SEC14L5: variants seen among roughly 807,000 people sequenced by gnomAD.
SEC14L5 encodes the protein SEC14-like protein 5.
A neutral mutation model predicts 84.6 loss-of-function variants in SEC14L5; 96 were observed. That is an observed-to-expected ratio of 1.13 (90% confidence interval 0.96 to 1.34). The LOEUF is 1.34. SEC14L5 is among the 40% of genes most tolerant of loss of function. The pLI, the probability that SEC14L5 is intolerant of heterozygous loss-of-function variation, is 0.00. For synonymous variants in SEC14L5, 546 were observed against 383.4 expected (o/e 1.42, Z -4.95); for missense variants, 1,224 against 942.5 (o/e 1.30, Z -3.91).
Position 5,000,719 on chromosome 16 carries a change from G to T in SEC14L5, c.1035G>T (p.Val345=), listed in dbSNP as rs111249494. The T allele has an allele frequency of 0.013, 19,663 of 1,552,520 alleles. 182 individuals carry two copies. Among genetic ancestry groups the T allele is most frequent in the South Asian group, 0.029 (2,417 of 84,110 alleles). The change falls in exon 9 of 16, where the codon GTG becomes GTT. Residue 345 remains valine, a synonymous_variant. Coordinates refer to ENST00000251170, the MANE Select transcript of SEC14L5 (RefSeq NM_014692.2). ...QMDTKGLMKA[V]GEEALLRHVL... ...ACACCAAAGGCTTGATGAAGGCCGTGGGGGAGGAGGCGCTGCTGCGGCATG... is the reference window on the plus strand; with the variant it reads ...ACACCAAAGGCTTGATGAAGGCCGTTGGGGAGGAGGCGCTGCTGCGGCATG...
intron 8 of SEC14L5, 57 bp downstream of exon 8, chr16:4,997,101 CTTTA>C (rs775311898): frequency 1.2e-4 from 148 of 1,281,828 alleles, no homozygotes; most frequent in South Asian, 3.9e-4. Context: ...GCCAAATGCA[CTTTA>C]TTTATTATTT....
At chr16:4,965,269 G>T (rs1469268993) in intron 2 of SEC14L5, among the ~76,000 whole-genome samples, 2 of 152,138 alleles carry the variant, frequency 1.3e-5, no homozygotes, top group East Asian at 3.9e-4. Flanking sequence ...TTAGTTGATG[G>T]ATATTTAAGT....
Position 5,003,463 on chromosome 16 carries a change from G to A in SEC14L5, c.1192G>A (p.Val398Met). ...CATGCGGCACCTGTGGCGGCCGGGG[G>A]TGAAGGCCCTGCTGCGGATGATTGA... ...LNMRHLWRPG[V>M]KALLRMIEVV... The change falls in exon 11 of 16, where the codon GTG (valine) becomes ATG (methionine). Residue 398 changes from valine (V) to methionine (M), a missense_variant. Physicochemically the swap from Val to Met is conservative, Grantham distance 21. Coordinates refer to ENST00000251170, the MANE Select transcript of SEC14L5 (RefSeq NM_014692.2). 4 of 1,613,300 alleles carry A rather than the reference G, an allele frequency of 2.5e-6. No homozygotes were observed. The highest frequency in any genetic ancestry group is 1.1e-5 in the South Asian group (1 of 91,082).
chr16:4,981,255 G>GTTTTTTTTTTTTTTT (rs58882220), intron 2 of SEC14L5, among the ~76,000 whole-genome samples: 1 of 92,902 alleles, frequency 1.1e-5, no homozygotes, highest in Non-Finnish European at 2.1e-5. Flanking sequence ...TAGCTAATTG[G>GTTTTTTTTTTTTTTT]TTTTTTTTTT....
intron 2 of SEC14L5, among the ~76,000 whole-genome samples, chr16:4,974,183 A>C (rs543749103): frequency 1.8e-4 from 28 of 152,248 alleles, no homozygotes; most frequent in African/African-American, 6.5e-4. Flanking sequence ...TTTTAAGTTC[A>C]TGAATGTACT....
At chr16:4,987,051 A>G (rs765549012) in intron 2 of SEC14L5, among the ~76,000 whole-genome samples, 4 of 152,164 alleles carry the variant, frequency 2.6e-5, no homozygotes, top group Non-Finnish European at 4.4e-5. Flanking sequence ...AACCTCTAGC[A>G]CAAGCTCGAA....
At position 4,996,435 on chromosome 16, in the gene SEC14L5, G is replaced by A. The variant is rs1320305979; in HGVS notation, c.755G>A (p.Trp252Ter). Residue 252 changes from tryptophan (W) to a stop codon, truncating the protein, a stop_gained, in exon 7 of 16, where the codon TGG becomes TAG. Coordinates refer to ENST00000251170, the MANE Select transcript of SEC14L5 (RefSeq NM_014692.2). LOFTEE classifies it high-confidence loss of function. Reference sequence around the variant, plus strand: ...AGCTGCCTGATCCAGCTTCGGCACTGGTTACAGGAGACCCACAAAGGCAAG... The same window carrying A: ...AGCTGCCTGATCCAGCTTCGGCACTAGTTACAGGAGACCCACAAAGGCAAG... ...QESCLIQLRH[W>*]LQETHKGKIP... 1.3e-6 allele frequency: 2 copies of A among 1,570,190 alleles called. No individual in the cohort carries two copies. Among genetic ancestry groups the A allele is most frequent in the Non-Finnish European group, 1.7e-6 (2 of 1,158,296 alleles).
chr16:4,977,090 C>T (rs1568114378), intron 2 of SEC14L5, among the ~76,000 whole-genome samples: 2 of 152,176 alleles, frequency 1.3e-5, no homozygotes, highest in Non-Finnish European at 2.9e-5. Context: ...CCCACAGTTT[C>T]TCAAGGTCAC....
At chr16:4,990,054 CATATA>C (rs1324405404) in intron 4 of SEC14L5, among the ~76,000 whole-genome samples, 3 of 151,384 alleles carry the variant, frequency 2.0e-5, no homozygotes, top group Admixed American at 6.6e-5. Flanking sequence ...ATATAGATAA[CATATA>C]ATATACAACT....
At chr16:5,010,140 C>T (rs1024099249) in intron 14 of SEC14L5, among the ~76,000 whole-genome samples, 4 of 129,512 alleles carry the variant, frequency 3.1e-5, no homozygotes, top group South Asian at 2.6e-4. Flanking sequence ...GTCAGGAGTT[C>T]GAGACCAGCC....
intron 2 of SEC14L5, among the ~76,000 whole-genome samples, chr16:4,972,229 C>T (rs1332809830): frequency 6.6e-6 from 1 of 152,112 alleles, no homozygotes; most frequent in African/African-American, 2.4e-5. Context: ...TCTCAAACTC[C>T]CGGCTTCAAG....
At chr16:4,985,015 C>T (rs935511243) in intron 2 of SEC14L5, among the ~76,000 whole-genome samples, 2 of 152,118 alleles carry the variant, frequency 1.3e-5, no homozygotes, top group African/African-American at 2.4e-5. Context: ...CTCTGGGTTA[C>T]CTTTTCACTT....
chr16:5,002,800 A>C (rs988071642), intron 10 of SEC14L5, among the ~76,000 whole-genome samples: 20 of 152,348 alleles, frequency 1.3e-4, no homozygotes, highest in African/African-American at 4.8e-4. Context: ...AAGTGGCAGA[A>C]CTGGGATTTG....
At position 5,014,778 on chromosome 16, in the gene SEC14L5, A is replaced by G. The variant is rs561783291; in HGVS notation, c.1980-81A>G. 3 of 1,077,792 alleles carry G rather than the reference A, an allele frequency of 2.8e-6. No individual in the cohort carries two copies. The South Asian group carries it at 4.2e-5, about 15-fold the overall frequency. 66.8% of individuals were successfully genotyped at this position (1,077,792 alleles called of 1,614,324 possible). On this transcript the variant is annotated intron_variant, in intron 15 of 15. Transcript: ENST00000251170. The stretch of plus-strand genomic sequence containing the variant: ...CCCTGGGGCCTGATTTGCAGCATCA[A>G]CAGCTTTTCCACTGCTGTGTGTCAG...
chr16:4,992,176 C>T lies in SEC14L5; in HGVS notation c.667+146C>T, dbSNP rs372116130. 44 of 539,850 alleles carry T rather than the reference C, an allele frequency of 8.2e-5. No individual in the cohort carries two copies. In the East Asian group the frequency reaches 1.3e-3, roughly 16 times the overall value. 33.4% of individuals were successfully genotyped at this position (539,850 alleles called of 1,614,324 possible). ...GGTCTTGGAACGACACCGCCTCCTG[C>T]CTCCACTGAGTGCTTTTCTCTCTCT... On this transcript the variant is annotated intron_variant, in intron 6 of 15. Coordinates refer to ENST00000251170, the MANE Select transcript of SEC14L5 (RefSeq NM_014692.2).
intron 2 of SEC14L5, among the ~76,000 whole-genome samples, chr16:4,962,892 T>G (rs1438638352): frequency 6.6e-6 from 1 of 152,170 alleles, no homozygotes; most frequent in Non-Finnish European, 1.5e-5. Context: ...AATAGCTGCA[T>G]AACTCAACGT....
At chr16:4,994,314 C>A (rs1955584117) in intron 6 of SEC14L5, among the ~76,000 whole-genome samples, 1 of 152,126 alleles carries the variant, frequency 6.6e-6, no homozygotes, top group African/African-American at 2.4e-5. Context: ...ACATCTGGGG[C>A]TCTGTTTAGG....
At position 5,005,524 on chromosome 16, in the gene SEC14L5, T is replaced by C. The variant is rs572716801; in HGVS notation, c.1303-390T>C. On this transcript the variant is annotated intron_variant, in intron 11 of 15. Coordinates refer to ENST00000251170, the MANE Select transcript of SEC14L5 (RefSeq NM_014692.2). The stretch of plus-strand genomic sequence containing the variant: ...CTGAAAGCCACTGAACTGTGCACTT[T>C]ATAATGATTAATTCTATGTTGTATA... Among the ~76,000 whole-genome samples, 103 of 151,976 alleles carry C rather than the reference T, an allele frequency of 6.8e-4. No individual in the cohort carries two copies. In the South Asian group the frequency reaches 0.019, roughly 28 times the overall value.
intron 2 of SEC14L5, among the ~76,000 whole-genome samples, chr16:4,981,253 T>A (rs910236254): frequency 8.1e-6 from 1 of 123,550 alleles, no homozygotes; most frequent in Non-Finnish European, 1.7e-5. Flanking sequence ...TCTAGCTAAT[T>A]GGTTTTTTTT....
Sources: allele counts gnomAD v4.1 joint callset (sites outside exome capture counted in the v4.1 genomes callset), GRCh38; gene constraint gnomAD v4.1.1; transcripts MANE v1.5; gene names NCBI Gene and HGNC (gene_info 2026-07-23, HGNC 2026-07-21).